The following TNS4 variants were observed in gnomAD, a reference collection of about 807,000 sequenced individuals.
TNS4 encodes tensin 4.
A neutral mutation model predicts 70.4 loss-of-function variants in TNS4; 46 were observed. That is an observed-to-expected ratio of 0.65 (90% CI 0.52 to 0.84). The LOEUF (loss-of-function observed/expected upper bound fraction) is 0.84, where lower values mean the gene tolerates loss of function less well. Among genes scored for constraint, TNS4 ranks in the 40% least tolerant of loss-of-function variants. TNS4 has a pLI of 0.00. For synonymous variants in TNS4, 390 were observed against 366.6 expected (o/e 1.06, Z -0.73); for missense variants, 863 against 907.0 (o/e 0.95, Z 0.62).
chr17:40,495,479 G>A (rs903562583), intron 2 of TNS4, among the ~76,000 whole-genome samples: 1 of 152,116 alleles, frequency 6.6e-6, no homozygotes, highest in African/African-American at 2.4e-5. Flanking sequence ...GCATACCACT[G>A]CTTGAACACT....
At chr17:40,494,204 T>C (rs1202758651) in intron 2 of TNS4, among the ~76,000 whole-genome samples, 1 of 152,252 alleles carries the variant, frequency 6.6e-6, no homozygotes, top group Non-Finnish European at 1.5e-5. Flanking sequence ...CCATTTAGAA[T>C]GGCATATGGT....
In TNS4 at chr17:40,479,730, G is replaced by T. The variant is rs150152835; in HGVS notation, c.1854C>A (p.Thr618=). The T allele has an allele frequency of 3.1e-6, 5 of 1,614,002 alleles. No individual in the cohort carries two copies. The highest frequency in any genetic ancestry group is 4.2e-6 in the Non-Finnish European group (5 of 1,180,030). Residue 618 remains threonine, a synonymous_variant, in exon 10 of 13, where the codon ACC becomes ACA. Coordinates refer to ENST00000254051, the MANE Select transcript of TNS4 (RefSeq NM_032865.6). ...GCTCTGTGACTTTGAAGTGGACCACGGTGGGCGTGGGGAGGATGTCCCTCT... is the reference window on the plus strand; with the variant it reads ...GCTCTGTGACTTTGAAGTGGACCACTGTGGGCGTGGGGAGGATGTCCCTCT... ...TFERDILPTP[T]VVHFKVTEQG... is the part of the protein sequence containing the mutation.
intron 3 of TNS4, 31 bp downstream of exon 3, chr17:40,488,515 T>C (rs762923565): frequency 2.0e-6 from 3 of 1,487,640 alleles, no homozygotes; most frequent in South Asian, 1.5e-5. Context: ...CCTGTGTGTG[T>C]GTGTGCAATG....
intron 2 of TNS4, among the ~76,000 whole-genome samples, chr17:40,495,619 G>A (rs557196942): frequency 6.6e-6 from 1 of 152,288 alleles, no homozygotes; most frequent in South Asian, 2.1e-4. Context: ...GGGGGCCCAG[G>A]TTAGGCTCTG....
Position 40,478,398 on chromosome 17 carries a change from G to A in TNS4, c.1980-65C>T, listed in dbSNP as rs2035877590. On this transcript the variant is annotated intron_variant, in intron 11 of 12. Transcript: ENST00000254051. The stretch of plus-strand genomic sequence containing the variant: ...CTCCATGCCACAGGACCCTGGAGGA[G>A]CAGCAGGACTGGCCAGCTGCGTCCC... 1.1e-4 allele frequency: 179 copies of A among 1,590,898 alleles called. 1 individual carries two copies. The South Asian group carries it at 2.0e-3, about 18-fold the overall frequency.
At chr17:40,480,632 G>T in intron 9 of TNS4, 68 bp downstream of exon 9, 1 of 1,410,980 alleles carries the variant, frequency 7.1e-7, no homozygotes, top group Non-Finnish European at 9.3e-7. Flanking sequence ...GCGTGCGTGT[G>T]TGCAGGGTTG....
chr17:40,486,014 A>G (rs529154825), intron 4 of TNS4, among the ~76,000 whole-genome samples: 80 of 151,872 alleles, frequency 5.3e-4, no homozygotes, highest in Non-Finnish European at 8.2e-4. Context: ...AGTCGCCTTG[A>G]TGCCTGTGAG....
chr17:40,482,299 G>C (rs763796896), intron 7 of TNS4, 25 bp downstream of exon 7: 22 of 1,613,960 alleles, frequency 1.4e-5, no homozygotes, highest in Non-Finnish European at 1.8e-5. Flanking sequence ...CATCCCGGGG[G>C]AGCCTGGAGG....
intron 9 of TNS4, 78 bp from the exon 10 acceptor site, chr17:40,479,920 G>A: frequency 6.8e-7 from 1 of 1,472,762 alleles, no homozygotes; most frequent in Admixed American, 2.3e-5. Context: ...AGGGGAGGGG[G>A]TGAGTCTCCT....
At chr17:40,499,007 G>C (rs1363348465) in intron 1 of TNS4, among the ~76,000 whole-genome samples, 1 of 152,072 alleles carries the variant, frequency 6.6e-6, no homozygotes, top group Non-Finnish European at 1.5e-5. Context: ...TAAGGGAGGA[G>C]ACCACCCCTC....
At position 40,476,507 on chromosome 17, in the gene TNS4, C is replaced by A. The variant is rs569234013; in HGVS notation, c.*1081G>T. On this transcript the variant is annotated 3_prime_UTR_variant, in exon 13 of 13. Transcript: ENST00000254051. Reference sequence around the variant, plus strand: ...CAGAGAGATGGCCCTTATCTCTGCCCCCGCCGCCTAATATGCAACATTAGG... The same window carrying A: ...CAGAGAGATGGCCCTTATCTCTGCCACCGCCGCCTAATATGCAACATTAGG... The A allele has an allele frequency of 1.3e-5, 2 of 151,780 alleles. No homozygotes were observed. Among genetic ancestry groups the A allele is most frequent in the East Asian group, 3.9e-4 (2 of 5,128 alleles). 9.4% of individuals were successfully genotyped at this position (151,780 alleles called of 1,614,324 possible).
intron 1 of TNS4, among the ~76,000 whole-genome samples, chr17:40,498,263 CA>C (rs1254414444): frequency 3.5e-4 from 54 of 152,304 alleles, no homozygotes; most frequent in Non-Finnish European, 2.9e-5. Flanking sequence ...ACTTCTAGCT[CA>C]AATAGCTCCT....
chr17:40,485,036 G>C (rs1168907729), intron 4 of TNS4, 29 bp from the exon 5 acceptor site: 2 of 1,601,892 alleles, frequency 1.2e-6, no homozygotes, highest in African/African-American at 1.3e-5. Context: ...GGGGGACCCT[G>C]TAGGCTGGAC....
At chr17:40,484,671 C>G (rs1439955597) in intron 5 of TNS4, 62 bp from the exon 6 acceptor site, 3 of 1,598,754 alleles carry the variant, frequency 1.9e-6, no homozygotes, top group South Asian at 1.1e-5. Flanking sequence ...TCCCCAGCCC[C>G]GTAGGGTCTT....
At position 40,478,512 on chromosome 17, in the gene TNS4, G is replaced by A; in HGVS notation, c.1979+68C>T. The stretch of plus-strand genomic sequence containing the variant: ...CCTCTGGGATCCCAGGCCCAGAGTC[G>A]GCAGGACGCCTTGGTGGGCAGCGGG... On this transcript the variant is annotated intron_variant, in intron 11 of 12. Coordinates refer to ENST00000254051, the MANE Select transcript of TNS4 (RefSeq NM_032865.6). 20 of 1,595,376 alleles carry A rather than the reference G, an allele frequency of 1.3e-5. No individual in the cohort carries two copies. The Middle Eastern group carries it at 5.0e-4, about 40-fold the overall frequency.
chr17:40,478,533 G>A, intron 11 of TNS4, 47 bp downstream of exon 11: 1 of 1,609,216 alleles, frequency 6.2e-7, no homozygotes, highest in Non-Finnish European at 8.5e-7. Context: ...TTGGTGGGCA[G>A]CGGGGCCCTG....
At chr17:40,490,499 A>C (rs1202819075) in intron 2 of TNS4, among the ~76,000 whole-genome samples, 1 of 152,166 alleles carries the variant, frequency 6.6e-6, no homozygotes, top group Non-Finnish European at 1.5e-5. Flanking sequence ...GTGCACCCTC[A>C]GCTCCCACCT....
At chr17:40,485,253 G>A (rs8079359) in intron 4 of TNS4, among the ~76,000 whole-genome samples, 93,912 of 152,052 alleles carry the variant, frequency 0.62, 29,612 homozygotes, top group East Asian at 0.78. Flanking sequence ...AATGAATAAG[G>A]AATGAATAGA....
chr17:40,480,493 C>T (rs192136274), intron 9 of TNS4, among the ~76,000 whole-genome samples: 2 of 152,276 alleles, frequency 1.3e-5, no homozygotes, highest in East Asian at 3.9e-4. Context: ...CACCCTGCCC[C>T]ACTTCCCTGC....
Sources: allele counts gnomAD v4.1 joint callset (sites outside exome capture counted in the v4.1 genomes callset), GRCh38; gene constraint gnomAD v4.1.1; transcripts MANE v1.5; gene names NCBI Gene and HGNC (gene_info 2026-07-23, HGNC 2026-07-21).